Variants in GRID2 observed in about 807,000 individuals in gnomAD.
GRID2 encodes glutamate ionotropic receptor delta type subunit 2, also known as glutamate receptor ionotropic, delta-2.
A neutral mutation model predicts 114.8 loss-of-function variants in GRID2; 33 were observed. The observed-to-expected ratio is 0.29, with a 90% CI of 0.22 to 0.38. The LOEUF (loss-of-function observed/expected upper bound fraction) is 0.38, where lower values mean the gene tolerates loss of function less well. Among genes scored for constraint, GRID2 ranks in the 10% least tolerant of loss-of-function variants. The probability of loss-of-function intolerance (pLI) is 1.00; values close to 1 mark genes in which losing one functional copy is unlikely to be tolerated. For synonymous variants in GRID2, 505 were observed against 449.9 expected, an observed-to-expected ratio of 1.12 and a Z score of -1.55; for missense variants, 1,184 against 1,257.7, an observed-to-expected ratio of 0.94 and a Z score of 0.89.
chr4:93,681,941 A>G (rs2110093457), intron 14 of GRID2, among the ~76,000 whole-genome samples: 1 of 151,348 alleles, frequency 6.6e-6, no homozygotes, highest in African/African-American at 2.4e-5. Context: ...GGATCTCATT[A>G]AACTAAAGAG....
chr4:93,047,674 T>A (rs1726280889), intron 2 of GRID2, among the ~76,000 whole-genome samples: 1 of 152,050 alleles, frequency 6.6e-6, no homozygotes. Context: ...CAAAATGATA[T>A]TTAACAACAT....
chr4:93,397,588 G>A lies in GRID2; in HGVS notation c.1347+1880G>A, dbSNP rs1260081012. Among the ~76,000 whole-genome samples, 5 of 152,018 alleles carry A rather than the reference G, an allele frequency of 3.3e-5. No homozygotes were observed. In the East Asian group the frequency reaches 9.7e-4, roughly 29 times the overall value. On this transcript the variant is annotated intron_variant, in intron 9 of 15. Transcript: ENST00000282020. Reference sequence around the variant, plus strand: ...ATGGATATAAGAGAAATAATATACAGACCTTGTCCTCAAAGTATTCATAGA... The same window carrying A: ...ATGGATATAAGAGAAATAATATACAAACCTTGTCCTCAAAGTATTCATAGA...
chr4:93,619,088 C>A (rs1335049456), intron 13 of GRID2, among the ~76,000 whole-genome samples: 1 of 152,026 alleles, frequency 6.6e-6, no homozygotes, highest in Admixed American at 6.6e-5. Flanking sequence ...TTCATATATT[C>A]TTTTTGAAAG....
At chr4:92,975,207 A>T (rs1005507638) in intron 2 of GRID2, among the ~76,000 whole-genome samples, 38 of 149,816 alleles carry the variant, frequency 2.5e-4, no homozygotes, top group African/African-American at 8.4e-4. Flanking sequence ...CTTATTATTT[A>T]TATATGTGCA....
At chr4:92,762,858 G>A (rs1433450670) in intron 2 of GRID2, among the ~76,000 whole-genome samples, 1 of 152,172 alleles carries the variant, frequency 6.6e-6, no homozygotes, top group East Asian at 1.9e-4. Context: ...CCAGTCTCCA[G>A]GATGCTACTC....
chr4:92,817,650 A>C (rs1023198025), intron 2 of GRID2, among the ~76,000 whole-genome samples: 3 of 151,730 alleles, frequency 2.0e-5, no homozygotes, highest in African/African-American at 7.3e-5. Context: ...ATTTGTATCA[A>C]AACTACTGGG....
chr4:92,723,956 A>G (rs778770932), intron 2 of GRID2, among the ~76,000 whole-genome samples: 1 of 152,152 alleles, frequency 6.6e-6, no homozygotes, highest in Non-Finnish European at 1.5e-5. Flanking sequence ...TTAAATGTTC[A>G]TAGGGACTTT....
At chr4:92,862,094 G>A (rs1204469722) in intron 2 of GRID2, among the ~76,000 whole-genome samples, 1 of 151,950 alleles carries the variant, frequency 6.6e-6, no homozygotes, top group Non-Finnish European at 1.5e-5. Context: ...TTGTCTTACA[G>A]GGCATGGATA....
intron 14 of GRID2, among the ~76,000 whole-genome samples, chr4:93,704,181 G>T (rs895887373): frequency 6.6e-6 from 1 of 151,948 alleles, no homozygotes. Flanking sequence ...TTTTAATGAT[G>T]GCCATTCTAA....
At position 93,264,756 on chromosome 4, in the gene GRID2, TGATA is replaced by T. The variant is rs1371537646; in HGVS notation, c.1245+26267_1245+26270del. Reference sequence around the variant, plus strand: ...GAATTATATATATATATCATTTGAATGATATATATATATATATAAATATATATAA... The same window carrying T: ...GAATTATATATATATATCATTTGAATTATATATATATATAAATATATATAA... On this transcript the variant is annotated intron_variant, in intron 8 of 15. Coordinates refer to ENST00000282020, the MANE Select transcript of GRID2 (RefSeq NM_001510.4). 3.4e-3 allele frequency among the ~76,000 whole-genome samples: 229 copies of T among 67,356 alleles called. 2 individuals carry two copies. Among genetic ancestry groups the T allele is most frequent in the African/African-American group, 0.017 (192 of 11,340 alleles). 44.2% of individuals were successfully genotyped at this position (67,356 alleles called of 152,430 possible). A position where few individuals can be genotyped will look rare whatever the true frequency, so the allele number is the denominator to read the frequency against.
intron 2 of GRID2, among the ~76,000 whole-genome samples, chr4:92,755,106 C>G (rs1737647382): frequency 6.6e-6 from 1 of 152,064 alleles, no homozygotes; most frequent in Non-Finnish European, 1.5e-5. Flanking sequence ...GAGCTGGTAC[C>G]ATTTGTGCTG....
intron 1 of GRID2, among the ~76,000 whole-genome samples, chr4:92,471,115 A>G (rs1217761190): frequency 2.6e-5 from 4 of 152,030 alleles, no homozygotes; most frequent in Non-Finnish European, 5.9e-5. Context: ...CCTTTTGTAT[A>G]TATGAGCATC....
intron 10 of GRID2, among the ~76,000 whole-genome samples, chr4:93,441,252 A>G (rs1721594682): frequency 6.6e-6 from 1 of 151,988 alleles, no homozygotes; most frequent in South Asian, 2.1e-4. Flanking sequence ...GGGTGAGGAT[A>G]CTATAAATAA....
intron 2 of GRID2, among the ~76,000 whole-genome samples, chr4:92,818,652 T>C (rs1205875319): frequency 2.0e-4 from 31 of 152,156 alleles, no homozygotes; most frequent in Admixed American, 2.0e-3. Flanking sequence ...TTATATTAAC[T>C]TGATGAGTCG....
At chr4:93,509,254 C>T (rs530630072) in intron 12 of GRID2, among the ~76,000 whole-genome samples, 9 of 151,912 alleles carry the variant, frequency 5.9e-5, no homozygotes, top group African/African-American at 1.4e-4. Context: ...GGCTATTAGA[C>T]GTGGAAAGGC....
chr4:93,152,093 A>T (rs563811571), intron 4 of GRID2, among the ~76,000 whole-genome samples: 1 of 152,316 alleles, frequency 6.6e-6, no homozygotes, highest in South Asian at 2.1e-4. Context: ...GAAGGGCACA[A>T]AGAACTTCAG....
At chr4:93,486,359 C>T (rs1726405007) in intron 11 of GRID2, among the ~76,000 whole-genome samples, 1 of 151,348 alleles carries the variant, frequency 6.6e-6, no homozygotes, top group African/African-American at 2.4e-5. Context: ...TTTTCTTGGA[C>T]TACAGAGTCT....
chr4:92,339,980 T>C (rs1445038547), intron 1 of GRID2, among the ~76,000 whole-genome samples: 1 of 152,176 alleles, frequency 6.6e-6, no homozygotes, highest in East Asian at 1.9e-4. Flanking sequence ...GTAAACTGAG[T>C]TTAAGAATGG....
intron 3 of GRID2, among the ~76,000 whole-genome samples, chr4:93,088,969 T>C (rs1315771033): frequency 6.6e-6 from 1 of 152,148 alleles, no homozygotes; most frequent in Admixed American, 6.6e-5. Context: ...ATAGAGAACA[T>C]TTACTATATC....
Sources: gnomAD v4.1 joint callset for allele counts (sites outside exome capture counted in the v4.1 genomes callset) on GRCh38, gnomAD v4.1.1 for gene constraint, MANE v1.5 for transcripts, NCBI Gene and HGNC (gene_info 2026-07-23, HGNC 2026-07-21) for gene names.